GLT1D1: variants seen among roughly 807,000 people sequenced by gnomAD.
The protein encoded by GLT1D1 is glycosyltransferase 1 domain containing 1.
Under a neutral mutation model 28.7 loss-of-function variants are expected in GLT1D1, and 21 were observed. That is an observed-to-expected ratio of 0.73 (90% confidence interval 0.52 to 1.05). The LOEUF (loss-of-function observed/expected upper bound fraction) is 1.05, where lower values mean the gene tolerates loss of function less well. Ranked by LOEUF, GLT1D1 falls within the 50% of genes least tolerant of loss-of-function variation. GLT1D1 has a pLI of 0.00. For synonymous variants in GLT1D1, 147 were observed against 124.8 expected (o/e 1.18, Z -1.19); for missense variants, 343 against 330.6 (o/e 1.04, Z -0.29).
At chr12:128,968,719 G>A (rs1878732992) in intron 7 of GLT1D1, among the ~76,000 whole-genome samples, 1 of 152,140 alleles carries the variant, frequency 6.6e-6, no homozygotes, top group Non-Finnish European at 1.5e-5. Context: ...CATAGGGACA[G>A]CCTGCCTGGG....
intron 6 of GLT1D1, among the ~76,000 whole-genome samples, chr12:128,956,064 C>T (rs947584067): frequency 1.3e-5 from 2 of 148,828 alleles, no homozygotes; most frequent in African/African-American, 5.0e-5. Flanking sequence ...GAGGCTGAGG[C>T]AGGAGAATGG....
chr12:128,963,936 A>C (rs1878207560), intron 7 of GLT1D1, among the ~76,000 whole-genome samples: 1 of 152,236 alleles, frequency 6.6e-6, no homozygotes, highest in Non-Finnish European at 1.5e-5. Flanking sequence ...TTCCGGCTGC[A>C]GTAACAGAAT....
At chr12:128,952,744 G>A (rs555565875) in intron 6 of GLT1D1, among the ~76,000 whole-genome samples, 378 of 138,338 alleles carry the variant, frequency 2.7e-3, no homozygotes, top group Non-Finnish European at 4.7e-3. Flanking sequence ...CAAAGTTCTG[G>A]GATTACAGGT....
intron 4 of GLT1D1, among the ~76,000 whole-genome samples, chr12:128,920,511 G>A (rs1031626941): frequency 3.9e-5 from 6 of 152,004 alleles, no homozygotes; most frequent in Non-Finnish European, 7.4e-5. Flanking sequence ...GTGAGATTGC[G>A]GCATTGCACT....
At chr12:128,881,850 C>T (rs1431239273) in intron 2 of GLT1D1, among the ~76,000 whole-genome samples, 1 of 151,436 alleles carries the variant, frequency 6.6e-6, no homozygotes, top group African/African-American at 2.4e-5. Context: ...AATAGATGGT[C>T]TATATTTCCT....
intron 4 of GLT1D1, among the ~76,000 whole-genome samples, chr12:128,900,228 C>G (rs1870097238): frequency 6.6e-6 from 1 of 152,202 alleles, no homozygotes; most frequent in Non-Finnish European, 1.5e-5. Context: ...TGAGCCTGCT[C>G]CACCAGCGTT....
At position 128,957,404 on chromosome 12, in the gene GLT1D1, T is replaced by C. The variant is rs556431955; in HGVS notation, c.541-141T>C. ...AAAACATGCTGTTGAGATTGGGATA[T>C]CGTTTTGGAAAGGCGTATTTTTTGT... On this transcript the variant is annotated intron_variant, in intron 6 of 7. Transcript: ENST00000281703. 9 of 590,612 alleles carry C rather than the reference T, an allele frequency of 1.5e-5. No homozygotes were observed. The Admixed American group carries it at 2.3e-4, about 15-fold the overall frequency. The allele number at this position is 590,612 out of a possible 1,614,324, so 36.6% of individuals were successfully genotyped here.
intron 2 of GLT1D1, among the ~76,000 whole-genome samples, chr12:128,885,565 C>G (rs1957157149): frequency 6.6e-6 from 1 of 152,196 alleles, no homozygotes; most frequent in Non-Finnish European, 1.5e-5. Flanking sequence ...TTGTTATTTA[C>G]TACAGTCACT....
chr12:128,860,248 G>T (rs1486793978), intron 1 of GLT1D1, among the ~76,000 whole-genome samples: 1 of 152,228 alleles, frequency 6.6e-6, no homozygotes, highest in Non-Finnish European at 1.5e-5. Context: ...ATCACCTGAG[G>T]TCAGGAGTTC....
At chr12:128,981,078 A>G (rs976995905) in intron 7 of GLT1D1, among the ~76,000 whole-genome samples, 15 of 152,230 alleles carry the variant, frequency 9.9e-5, no homozygotes, top group African/African-American at 3.4e-4. Context: ...TTAGGATTCA[A>G]GAGAGATTTT....
chr12:128,956,114 G>A (rs1378771135), intron 6 of GLT1D1, among the ~76,000 whole-genome samples: 2 of 123,876 alleles, frequency 1.6e-5, no homozygotes, highest in African/African-American at 6.4e-5. Context: ...AGCCGAGATC[G>A]CGCCACTGCC....
Position 128,983,313 on chromosome 12 carries a change from G to A in GLT1D1, c.*223G>A. On this transcript the variant is annotated 3_prime_UTR_variant, in exon 8 of 8. Transcript: ENST00000281703. This position sits in a 1 kb window ranked among gnomAD's most constrained non-coding sequence, Gnocchi z 4.7. ...GCGTGTTCACCAGCCAGTCCTGATG[G>A]AGGTGCATGAGTGACTGGGTTGACT... The A allele has an allele frequency of 2.0e-6, 1 of 504,950 alleles. No individual in the cohort carries two copies. The highest frequency in any genetic ancestry group is 3.1e-5 in the South Asian group (1 of 32,486). The allele number at this position is 504,950 out of a possible 1,614,324, so 31.3% of individuals were successfully genotyped here.
At position 128,983,832 on chromosome 12, in the gene GLT1D1, G is replaced by A. The variant is rs950909766; in HGVS notation, c.*742G>A. 6.6e-6 allele frequency: 1 copy of A among 152,262 alleles called. No homozygotes were observed. Among genetic ancestry groups the A allele is most frequent in the African/African-American group, 2.4e-5 (1 of 41,466 alleles). 9.4% of individuals were successfully genotyped at this position (152,262 alleles called of 1,614,324 possible). ...GGAGGCCTGAGGCTTTGGGTCCAGG[G>A]TGGGCTCTTCCCCTTCCCACATCAG... On this transcript the variant is annotated 3_prime_UTR_variant, in exon 8 of 8. Transcript: ENST00000281703. The surrounding 1 kb of genome is among the most constrained non-coding windows in gnomAD (Gnocchi z 4.7).
At chr12:128,883,178 C>T (rs1261946136) in intron 2 of GLT1D1, among the ~76,000 whole-genome samples, 2 of 151,476 alleles carry the variant, frequency 1.3e-5, no homozygotes, top group African/African-American at 2.4e-5. Flanking sequence ...CCCGCCTGGG[C>T]CTCCCAAAGT....
At chr12:128,854,313 GC>G (rs1956153510) in intron 1 of GLT1D1, among the ~76,000 whole-genome samples, 1 of 152,148 alleles carries the variant, frequency 6.6e-6, no homozygotes, top group Non-Finnish European at 1.5e-5. Context: ...CGGGCGCTCG[GC>G]CTGTATTAGC....
chr12:128,904,623 CTTTTTTTTTTTTTTT>C (rs59189244), intron 4 of GLT1D1, among the ~76,000 whole-genome samples: 14 of 139,322 alleles, frequency 1.0e-4, no homozygotes, highest in Admixed American at 1.4e-4. Flanking sequence ...TGAAAACAGT[CTTTTTTTTTTTTTTT>C]TTTTTTTTTT....
chr12:128,943,202 G>T (rs1237097492), intron 4 of GLT1D1, among the ~76,000 whole-genome samples: 1 of 152,194 alleles, frequency 6.6e-6, no homozygotes, highest in African/African-American at 2.4e-5. Context: ...TTAACCTATT[G>T]TGTAAAGTCT....
chr12:128,877,170 C>T (rs2135800012), intron 2 of GLT1D1, among the ~76,000 whole-genome samples: 1 of 152,242 alleles, frequency 6.6e-6, no homozygotes, highest in African/African-American at 2.4e-5. Flanking sequence ...AGTATAGCAG[C>T]CACCAAATAA....
chr12:128,877,724 A>T (rs768068170), intron 2 of GLT1D1, among the ~76,000 whole-genome samples: 13 of 152,206 alleles, frequency 8.5e-5, no homozygotes, highest in Admixed American at 6.5e-4. Context: ...TGTATTGATT[A>T]TCTATTATTA....
Sources: allele counts gnomAD v4.1 joint callset (sites outside exome capture counted in the v4.1 genomes callset), GRCh38; gene constraint gnomAD v4.1.1; non-coding constraint Gnocchi (gnomAD v3.1); transcripts MANE v1.5; gene names NCBI Gene and HGNC (gene_info 2026-07-23, HGNC 2026-07-21).